Variants in CEP170B observed in about 807,000 individuals in gnomAD.
The protein encoded by CEP170B is centrosomal protein of 170 kDa protein B.
In CEP170B, 55 loss-of-function variants were observed where a neutral mutation model predicts 120.6. The ratio of observed to expected loss-of-function variants is 0.46; its 90% CI spans 0.37 to 0.57. The LOEUF is 0.57. Ranked by LOEUF, CEP170B falls within the 20% of genes least tolerant of loss-of-function variation. The pLI is 0.00. For missense variants in CEP170B, 2,212 were observed against 2,253.3 expected, an observed-to-expected ratio of 0.98 and a Z score of 0.37; for synonymous variants, 1,033 against 954.5, an observed-to-expected ratio of 1.08 and a Z score of -1.52.
At chr14:104,872,187 T>C (rs2582562) in intron 2 of CEP170B, among the ~76,000 whole-genome samples, 86,429 of 138,596 alleles carry the variant, frequency 0.62, 26,570 homozygotes, top group Middle Eastern at 0.79. Flanking sequence ...GTGTGTGTGC[T>C]GTGTGTGTGC....
chr14:104,874,795 C>T (rs1440575983), intron 2 of CEP170B, among the ~76,000 whole-genome samples: 1 of 151,924 alleles, frequency 6.6e-6, no homozygotes, highest in Non-Finnish European at 1.5e-5. Context: ...TTGAGCCAGG[C>T]ACCCAGGGCT....
chr14:104,874,081 C>T (rs1358543441), intron 2 of CEP170B, among the ~76,000 whole-genome samples: 4 of 152,294 alleles, frequency 2.6e-5, no homozygotes, highest in African/African-American at 9.6e-5. Flanking sequence ...GCCCACGGGG[C>T]AGTTAGTGGC....
intron 9 of CEP170B, among the ~76,000 whole-genome samples, chr14:104,885,073 G>C (rs941845036): frequency 6.6e-6 from 1 of 151,234 alleles, no homozygotes; most frequent in Non-Finnish European, 1.5e-5. Context: ...GATGCCGGGG[G>C]TGGAGGTGGG....
chr14:104,884,006 C>G lies in CEP170B; in HGVS notation c.1227C>G (p.Phe409Leu), dbSNP rs751471747. 5.0e-6 allele frequency: 8 copies of G among 1,610,980 alleles called. No homozygotes were observed. The South Asian group carries it at 6.6e-5, about 13-fold the overall frequency. The change falls in exon 9 of 19, where the codon TTC becomes TTG. Residue 409 changes from phenylalanine (F) to leucine (L), a missense_variant. This residue lies in a region of CEP170B where 2,166 missense variants were observed against 2,166.7 expected (regional missense o/e 1.00). Coordinates refer to ENST00000414716, the MANE Select transcript of CEP170B (RefSeq NM_001112726.3). ...AGCAGGCCTTTGTCATCGAGTTCTT[C>G]GACGAGGACACACCCCGAAAGAAGC... ...HNQQAFVIEF[F>L]DEDTPRKKRS...
At chr14:104,866,155 C>A (rs1895194669) in intron 1 of CEP170B, among the ~76,000 whole-genome samples, 1 of 152,202 alleles carries the variant, frequency 6.6e-6, no homozygotes, top group South Asian at 2.1e-4. Flanking sequence ...CCCGAGGCAG[C>A]CGAAGGCCGT....
chr14:104,868,284 C>T lies in CEP170B; in HGVS notation c.-27-140C>T, dbSNP rs986047793. On this transcript the variant is annotated intron_variant, in intron 1 of 18. Coordinates refer to ENST00000414716, the MANE Select transcript of CEP170B (RefSeq NM_001112726.3). The surrounding 1 kb of genome is among the most constrained non-coding windows in gnomAD (Gnocchi z 5.9). Reference sequence around the variant, plus strand: ...GACCATACCCAGGGAGGGCGGGTGGCCTGATGAGGCTGGAGCCCAGCTTCT... The same window carrying T: ...GACCATACCCAGGGAGGGCGGGTGGTCTGATGAGGCTGGAGCCCAGCTTCT... 6.2e-5 allele frequency: 39 copies of T among 625,876 alleles called. No individual in the cohort carries two copies. In the East Asian group the frequency reaches 1.0e-3, roughly 16 times the overall value. 38.8% of individuals were successfully genotyped at this position (625,876 alleles called of 1,614,324 possible). A position where few individuals can be genotyped will look rare whatever the true frequency, so the allele number is the denominator to read the frequency against.
At chr14:104,877,833 G>GCCCCCCCCCCCCCCCCCCCCCC in intron 3 of CEP170B, 52 bp from the exon 4 acceptor site, 10 of 359,748 alleles carry the variant, frequency 2.8e-5, no homozygotes, top group South Asian at 7.1e-5. Context: ...CCTGCCCACA[G>GCCCCCCCCCCCCCCCCCCCCCC]CCACCCACCC....
At chr14:104,889,222 G>T (rs1214137904) in intron 12 of CEP170B, among the ~76,000 whole-genome samples, 1 of 152,208 alleles carries the variant, frequency 6.6e-6, no homozygotes, top group Non-Finnish European at 1.5e-5. Flanking sequence ...CCCACCACCT[G>T]TAAGGGGGTT....
At chr14:104,890,742 T>TG (rs1340571947) in intron 13 of CEP170B, among the ~76,000 whole-genome samples, 470 of 109,930 alleles carry the variant, frequency 4.3e-3, no homozygotes, top group Middle Eastern at 8.2e-3. Context: ...GATGGATGGA[T>TG]GAATGGATGA....
chr14:104,872,351 TGTGTGTGCCGC>T (rs1234086599), intron 2 of CEP170B, among the ~76,000 whole-genome samples: 2 of 120,636 alleles, frequency 1.7e-5, no homozygotes, highest in Non-Finnish European at 1.7e-5. Flanking sequence ...TGTGTGTGCG[TGTGTGTGCCGC>T]GTGTGTGTGC....
intron 10 of CEP170B, 47 bp downstream of exon 10, chr14:104,885,589 G>A (rs1896440531): frequency 6.6e-7 from 1 of 1,517,216 alleles, no homozygotes; most frequent in African/African-American, 1.4e-5. Context: ...GCAGGAAGAG[G>A]GCAGCATCCA....
Position 104,880,385 on chromosome 14 carries a change from G to A in CEP170B, c.432G>A (p.Ser144=), listed in dbSNP as rs368059834. The A allele has an allele frequency of 7.4e-5, 119 of 1,612,502 alleles. No homozygotes were observed. Among genetic ancestry groups the A allele is most frequent in the Admixed American group, 6.5e-4 (39 of 59,942 alleles). The change falls in exon 6 of 19, where the codon TCG becomes TCA. Residue 144 remains serine, a synonymous_variant. Transcript: ENST00000414716. ...LPEHTPYCEA[S]NPRPEKGDRR... is the part of the protein sequence containing the mutation. Reference sequence around the variant, plus strand: ...AACACACACCATACTGCGAGGCCTCGAACCCCAGGCCGGAGAAGGGGGACC... The same window carrying A: ...AACACACACCATACTGCGAGGCCTCAAACCCCAGGCCGGAGAAGGGGGACC...
In CEP170B at chr14:104,882,715, G is replaced by A. The variant is rs775900809; in HGVS notation, c.473-13G>A. On this transcript the variant is annotated splice_polypyrimidine_tract_variant and intron_variant, in intron 6 of 18. Transcript: ENST00000414716. ...CCAGCAACACAGGGTCTGACCTCTC[G>A]CTCCCTCCACAGAGGCAGCCTCTTA... The A allele has an allele frequency of 1.7e-5, 28 of 1,606,140 alleles. No homozygotes were observed. Among genetic ancestry groups the A allele is most frequent in the Middle Eastern group, 1.7e-4 (1 of 6,060 alleles).
At chr14:104,882,469 GA>G (rs1896206222) in intron 6 of CEP170B, among the ~76,000 whole-genome samples, 1 of 151,154 alleles carries the variant, frequency 6.6e-6, no homozygotes, top group South Asian at 2.1e-4. Flanking sequence ...AGGCAGGGAG[GA>G]GGGGCCAGGC....
intron 6 of CEP170B, among the ~76,000 whole-genome samples, chr14:104,881,724 C>T (rs560253315): frequency 1.3e-5 from 2 of 152,160 alleles, no homozygotes; most frequent in South Asian, 2.1e-4. Context: ...AGTTCAGGGC[C>T]GGCAGCAGAT....
chr14:104,872,291 T>C lies in CEP170B; in HGVS notation c.105+3736T>C, dbSNP rs374117365. Among the ~76,000 whole-genome samples the C allele has an allele frequency of 1.6e-3, 184 of 116,088 alleles. 7 individuals carry two copies. Among genetic ancestry groups the C allele is most frequent in the South Asian group, 0.012 (41 of 3,322 alleles). 76.2% of individuals were successfully genotyped at this position (116,088 alleles called of 152,430 possible). ...GTGGGTGTGCCGTGTGTGTGCCGCG[T>C]GTGTGTGCCATGGGTGTGCGTGTGT... On this transcript the variant is annotated intron_variant, in intron 2 of 18. Coordinates refer to ENST00000414716, the MANE Select transcript of CEP170B (RefSeq NM_001112726.3).
Position 104,868,386 on chromosome 14 carries a change from G to A in CEP170B, c.-27-38G>A. The A allele has an allele frequency of 1.4e-6, 2 of 1,439,160 alleles. No homozygotes were observed. Among genetic ancestry groups the A allele is most frequent in the Non-Finnish European group, 1.9e-6 (2 of 1,054,060 alleles). 89.1% of individuals were successfully genotyped at this position (1,439,160 alleles called of 1,614,324 possible). The stretch of plus-strand genomic sequence containing the variant: ...ATGTGTCCAGGGGGCTAAGAACCAG[G>A]CCAGGGAGCCCCACTCTAACAATCC... On this transcript the variant is annotated intron_variant, in intron 1 of 18. Coordinates refer to ENST00000414716, the MANE Select transcript of CEP170B (RefSeq NM_001112726.3). This position sits in a 1 kb window ranked among gnomAD's most constrained non-coding sequence, Gnocchi z 5.9.
Position 104,887,230 on chromosome 14 carries a change from C to T in CEP170B, c.2991C>T (p.Gly997=). Residue 997 remains glycine, a synonymous_variant, in exon 12 of 19, where the codon GGC becomes GGT. Transcript: ENST00000414716. The stretch of plus-strand genomic sequence containing the variant: ...CGCCAGCTGCACAGGACCCGGGAGG[C>T]ACCGCCCTGGTCAGTGCCCGTGAGC... The part of the protein sequence containing the change: ...PSPPAAQDPG[G]TALVSAREQS... 1 of 1,606,038 alleles carries T rather than the reference C, an allele frequency of 6.2e-7. No homozygotes were observed. The highest frequency in any genetic ancestry group is 1.1e-5 in the South Asian group (1 of 90,986).
Position 104,867,104 on chromosome 14 carries a change from G to A in CEP170B, c.-27-1320G>A, listed in dbSNP as rs1177410329. 1.3e-5 allele frequency among the ~76,000 whole-genome samples: 2 copies of A among 152,216 alleles called. No homozygotes were observed. Among genetic ancestry groups the A allele is most frequent in the South Asian group, 2.1e-4 (1 of 4,836 alleles). ...CTCAGTTTTTGAATAAGGGTACCGC[G>A]TTTTCTTTTTGTGCTGGGCCCTGCA... On this transcript the variant is annotated intron_variant, in intron 1 of 18. Transcript: ENST00000414716. The surrounding 1 kb of genome is among the most constrained non-coding windows in gnomAD (Gnocchi z 5.4).
Sources: gnomAD v4.1 joint callset for allele counts (sites outside exome capture counted in the v4.1 genomes callset) on GRCh38, gnomAD v4.1.1 for gene constraint, gnomAD v4.1.1 regional missense constraint, Gnocchi (gnomAD v3.1) non-coding constraint, MANE v1.5 for transcripts, NCBI Gene and HGNC (gene_info 2026-07-23, HGNC 2026-07-21) for gene names.